MYO5C: variants seen among roughly 807,000 people sequenced by gnomAD.
MYO5C encodes the protein unconventional myosin-Vc.
Under a neutral mutation model 235.7 loss-of-function variants are expected in MYO5C, and 194 were observed. The ratio of observed to expected loss-of-function variants is 0.82; its 90% CI spans 0.73 to 0.93. MYO5C has a LOEUF of 0.93. Among genes scored for constraint, MYO5C ranks in the 40% least tolerant of loss-of-function variants. The probability of loss-of-function intolerance (pLI) is 0.00; values close to 1 mark genes in which losing one functional copy is unlikely to be tolerated. For synonymous variants in MYO5C, 707 were observed against 754.8 expected (o/e 0.94, Z 1.04); for missense variants, 2,038 against 2,127.2 (o/e 0.96, Z 0.82).
rs1039157733 is a variant in MYO5C at position 52,193,111 on chromosome 15, C to G, written c.*791G>C. The G allele has an allele frequency of 6.6e-6, 1 of 151,994 alleles. No homozygotes were observed. Among genetic ancestry groups the G allele is most frequent in the East Asian group, 1.9e-4 (1 of 5,186 alleles). The allele number at this position is 151,994 out of a possible 1,614,324, so 9.4% of individuals were successfully genotyped here. A position where few individuals can be genotyped will look rare whatever the true frequency, so the allele number is the denominator to read the frequency against. On this transcript the variant is annotated 3_prime_UTR_variant, in exon 41 of 41. Coordinates refer to ENST00000261839, the MANE Select transcript of MYO5C (RefSeq NM_018728.4). ...TGGGCGGATCACGAGGTCAAGAGAT[C>G]GAGGCCATCCTGGCCAACATGGTGA...
At chr15:52,206,345 TTACAGG>T (rs1349165475) in intron 36 of MYO5C, among the ~76,000 whole-genome samples, 1 of 152,166 alleles carries the variant, frequency 6.6e-6, no homozygotes, top group East Asian at 1.9e-4. Context: ...ACCTTATAAT[TTACAGG>T]GTACAAAGTT....
At chr15:52,237,428 T>A in intron 22 of MYO5C, 54 bp downstream of exon 22, 1 of 1,568,010 alleles carries the variant, frequency 6.4e-7, no homozygotes, top group Non-Finnish European at 8.6e-7. Flanking sequence ...AGCGCTCATC[T>A]TTTTCACAGA....
At chr15:52,289,843 C>A (rs2037350996) in intron 1 of MYO5C, among the ~76,000 whole-genome samples, 1 of 152,248 alleles carries the variant, frequency 6.6e-6, no homozygotes, top group African/African-American at 2.4e-5. Context: ...TCAGGCCTCA[C>A]CCTCTTTTCA....
At chr15:52,246,817 G>T in intron 16 of MYO5C, 100 bp downstream of exon 16, 1 of 912,042 alleles carries the variant, frequency 1.1e-6, no homozygotes, top group Non-Finnish European at 1.7e-6. Flanking sequence ...AAAAAACCCA[G>T]AAACAGGGTA....
intron 7 of MYO5C, 47 bp from the exon 8 acceptor site, chr15:52,269,907 G>T (rs1473699264): frequency 6.2e-6 from 8 of 1,292,622 alleles, no homozygotes; most frequent in South Asian, 1.2e-5. Context: ...ACAGAAATTT[G>T]GACATACACA....
intron 13 of MYO5C, 82 bp downstream of exon 13, chr15:52,251,308 G>T: frequency 7.4e-7 from 1 of 1,350,892 alleles, no homozygotes; most frequent in South Asian, 1.8e-5. Flanking sequence ...AATCTGATCA[G>T]AAACATTCCT....
At chr15:52,195,795 GATT>G (rs147362680) in intron 39 of MYO5C, among the ~76,000 whole-genome samples, 9 of 151,416 alleles carry the variant, frequency 5.9e-5, no homozygotes, top group African/African-American at 1.2e-4. Context: ...GTGTGTGTGT[GATT>G]ATTATTATTA....
intron 1 of MYO5C, among the ~76,000 whole-genome samples, chr15:52,284,236 C>T (rs2037217295): frequency 6.6e-6 from 1 of 151,724 alleles, no homozygotes; most frequent in South Asian, 2.1e-4. Flanking sequence ...TGCAGAATAC[C>T]CATACAATGA....
Position 52,271,524 on chromosome 15 carries a change from A to G in MYO5C, c.832+239T>C, listed in dbSNP as rs569082513. Among the ~76,000 whole-genome samples the G allele has an allele frequency of 3.9e-5, 6 of 152,170 alleles. No individual in the cohort carries two copies. In the South Asian group the frequency reaches 1.2e-3, roughly 32 times the overall value. The stretch of plus-strand genomic sequence containing the variant: ...GATTACAGGTGTGAGCCATCACGCC[A>G]GGCCCAATGAGCTTTAAAAATAACC... On this transcript the variant is annotated intron_variant, in intron 7 of 40. Transcript: ENST00000261839.
At chr15:52,215,301 G>A (rs1325491824) in intron 32 of MYO5C, among the ~76,000 whole-genome samples, 1 of 152,204 alleles carries the variant, frequency 6.6e-6, no homozygotes, top group Non-Finnish European at 1.5e-5. Context: ...TTCCTGATAA[G>A]TAGGTGGCCT....
intron 12 of MYO5C, among the ~76,000 whole-genome samples, chr15:52,252,563 C>G (rs1307206092): frequency 6.6e-6 from 1 of 151,948 alleles, no homozygotes; most frequent in Admixed American, 6.6e-5. Context: ...ATCACGAGGT[C>G]AGGAGATCCA....
intron 14 of MYO5C, among the ~76,000 whole-genome samples, chr15:52,247,929 C>T (rs553917577): frequency 1.3e-5 from 2 of 152,294 alleles, no homozygotes; most frequent in African/African-American, 2.4e-5. Flanking sequence ...TCCTACTCCA[C>T]ATTCTCATCC....
At chr15:52,253,529 C>T in intron 11 of MYO5C, 72 bp from the exon 12 acceptor site, 1 of 1,393,404 alleles carries the variant, frequency 7.2e-7, no homozygotes, top group Non-Finnish European at 1.0e-6. Flanking sequence ...AGGATGTAAG[C>T]ATTTGGAAAA....
rs1279584116 is a variant in MYO5C, at chr15:52,233,086, C to T, written c.2963-401G>A. ...CGAGGTCAGGAGATCAAGACCATCC[C>T]GGCTAAAACGGTGAAACCCCGTCTC... On this transcript the variant is annotated intron_variant, in intron 23 of 40. Transcript: ENST00000261839. Among the ~76,000 whole-genome samples, 11 of 15,978 alleles carry T rather than the reference C, an allele frequency of 6.9e-4. 5 individuals are homozygous for T. In the South Asian group the frequency reaches 9.0e-3, roughly 13 times the overall value. 10.5% of individuals were successfully genotyped at this position (15,978 alleles called of 152,430 possible).
At chr15:52,270,371 T>C (rs760561161) in intron 7 of MYO5C, among the ~76,000 whole-genome samples, 3 of 152,188 alleles carry the variant, frequency 2.0e-5, no homozygotes, top group Non-Finnish European at 2.9e-5. Flanking sequence ...TTCCAATAGC[T>C]GATGGCACAC....
At chr15:52,230,060 AT>A (rs1386463628) in intron 24 of MYO5C, among the ~76,000 whole-genome samples, 1 of 152,236 alleles carries the variant, frequency 6.6e-6, no homozygotes, top group African/African-American at 2.4e-5. Context: ...CAATAGAGCT[AT>A]CTGCTATGTC....
intron 33 of MYO5C, 128 bp from the exon 34 acceptor site, chr15:52,213,414 A>G: frequency 1.5e-6 from 1 of 661,248 alleles, no homozygotes; most frequent in Non-Finnish European, 2.7e-6. Flanking sequence ...AGATACATTA[A>G]AACTGTACTG....
chr15:52,281,624 T>C (rs1358989784), intron 2 of MYO5C, among the ~76,000 whole-genome samples: 1 of 152,184 alleles, frequency 6.6e-6, no homozygotes, highest in Non-Finnish European at 1.5e-5. Context: ...TCAGCAACCC[T>C]GGGACGGTGC....
chr15:52,210,467 C>T (rs1350590229), intron 35 of MYO5C, among the ~76,000 whole-genome samples: 1 of 152,090 alleles, frequency 6.6e-6, no homozygotes, highest in African/African-American at 2.4e-5. Context: ...TGGATCAGTA[C>T]ATTGTAATTC....
Sources: allele counts gnomAD v4.1 joint callset (sites outside exome capture counted in the v4.1 genomes callset), GRCh38; gene constraint gnomAD v4.1.1; transcripts MANE v1.5; gene names NCBI Gene and HGNC (gene_info 2026-07-23, HGNC 2026-07-21).